NME5: variants seen among roughly 807,000 people sequenced by gnomAD.
NME5 encodes the protein NME/NM23 family member 5, also known as nucleoside diphosphate kinase 5.
A neutral mutation model predicts 21.6 loss-of-function variants in NME5; 18 were observed. The observed-to-expected ratio is 0.83, with a 90% CI of 0.58 to 1.24. The LOEUF is 1.24. Among genes scored for constraint, NME5 ranks in the 50% most tolerant of loss-of-function variants. The probability of loss-of-function intolerance (pLI) is 0.00; values close to 1 mark genes in which losing one functional copy is unlikely to be tolerated. For missense variants in NME5, 223 were observed against 255.4 expected, an observed-to-expected ratio of 0.87 and a Z score of 0.86; for synonymous variants, 70 against 80.6, an observed-to-expected ratio of 0.87 and a Z score of 0.71.
chr5:138,124,184 G>A (rs980477286), intron 4 of NME5, among the ~76,000 whole-genome samples: 39 of 150,668 alleles, frequency 2.6e-4, no homozygotes, highest in African/African-American at 9.5e-4. Flanking sequence ...TTTTTTTTTA[G>A]TAGAGACAGG....
rs146333645 is a variant in NME5, at chr5:138,123,160, A to C, written c.437-4224T>G. On this transcript the variant is annotated intron_variant, in intron 4 of 5. Coordinates refer to ENST00000265191, the MANE Select transcript of NME5 (RefSeq NM_003551.3). ...AATATTGTATACATTTATTGTGTAC[A>C]TGTTGTTTTGAAATATGTAAACACT... The C allele has an allele frequency of 3.3e-5, 5 of 152,336 alleles. No individual in the cohort carries two copies. In the East Asian group the frequency reaches 7.7e-4, roughly 23 times the overall value. The allele number at this position is 152,336 out of a possible 1,614,324, so 9.4% of individuals were successfully genotyped here.
chr5:138,121,427 G>A (rs1017814054), intron 4 of NME5, among the ~76,000 whole-genome samples: 1 of 151,850 alleles, frequency 6.6e-6, no homozygotes, highest in Non-Finnish European at 1.5e-5. Context: ...CAAAAAAAAA[G>A]GAAACCAAAA....
intron 4 of NME5, among the ~76,000 whole-genome samples, chr5:138,127,972 G>C (rs2151164249): frequency 6.6e-6 from 1 of 152,288 alleles, no homozygotes; most frequent in South Asian, 2.1e-4. Context: ...CCAGCACTTT[G>C]AGAGGCCAAG....
At chr5:138,138,400 A>G (rs1751765102) in intron 2 of NME5, 2 of 354,126 alleles carry the variant, frequency 5.6e-6, no homozygotes, top group Non-Finnish European at 1.0e-5. Context: ...GGAAGAACAG[A>G]AAGTGTTAAG....
At position 138,138,816 on chromosome 5, in the gene NME5, A is replaced by G. The variant is rs373024106; in HGVS notation, c.-5-31T>C. 2.8e-5 allele frequency: 44 copies of G among 1,578,862 alleles called. No individual in the cohort carries two copies. In the East Asian group the frequency reaches 5.9e-4, roughly 21 times the overall value. ...CAGGGCACAAATTAAGAGTTTCTTA[A>G]CAGGTATCAACTGCAATGACATGCA... On this transcript the variant is annotated intron_variant, in intron 1 of 5. Coordinates refer to ENST00000265191, the MANE Select transcript of NME5 (RefSeq NM_003551.3).
chr5:138,118,796 T>A, intron 5 of NME5, 22 bp downstream of exon 5: 1 of 1,471,456 alleles, frequency 6.8e-7, no homozygotes, highest in Admixed American at 1.7e-5. Flanking sequence ...TATTCTTAAG[T>A]GTGAATAAAA....
chr5:138,123,249 T>C lies in NME5; in HGVS notation c.437-4313A>G, dbSNP rs1003960355. ...CTCAAATACTTATCTTTTTTTGTGG[T>C]GAGAACACTTAAAATCTACTGTCTT... On this transcript the variant is annotated intron_variant, in intron 4 of 5. Transcript: ENST00000265191. The C allele has an allele frequency of 4.6e-5, 7 of 152,190 alleles. No individual in the cohort carries two copies. In the East Asian group the frequency reaches 1.3e-3, roughly 29 times the overall value. The allele number at this position is 152,190 out of a possible 1,614,324, so 9.4% of individuals were successfully genotyped here. A position where few individuals can be genotyped will look rare whatever the true frequency, so the allele number is the denominator to read the frequency against.
chr5:138,132,413 A>G (rs1268693560), intron 2 of NME5, among the ~76,000 whole-genome samples: 1 of 152,142 alleles, frequency 6.6e-6, no homozygotes, highest in Non-Finnish European at 1.5e-5. Context: ...GGGTGAGGAG[A>G]GAAAATGCTC....
intron 4 of NME5, among the ~76,000 whole-genome samples, chr5:138,124,109 G>T (rs1751347124): frequency 7.1e-6 from 1 of 140,530 alleles, no homozygotes. Context: ...TGGTTATCCT[G>T]CCTCAGCCTC....
chr5:138,116,932 G>T (rs1333637167), intron 5 of NME5, among the ~76,000 whole-genome samples: 1 of 152,000 alleles, frequency 6.6e-6, no homozygotes, highest in Non-Finnish European at 1.5e-5. Flanking sequence ...TCTTAAAAGA[G>T]GCCAGTGACT....
At chr5:138,132,177 C>A (rs534142466) in intron 2 of NME5, among the ~76,000 whole-genome samples, 1 of 152,080 alleles carries the variant, frequency 6.6e-6, no homozygotes, top group Non-Finnish European at 1.5e-5. Flanking sequence ...CTGGGCCACA[C>A]GCAGAAACCC....
chr5:138,115,876 G>T, intron 5 of NME5, 112 bp from the exon 6 acceptor site: 1 of 629,878 alleles, frequency 1.6e-6, no homozygotes, highest in East Asian at 2.9e-5. Flanking sequence ...TTAAGAAAAT[G>T]ACCATTAAAA....
chr5:138,123,985 C>CTTTTTTTTTTT (rs70979583), intron 4 of NME5, among the ~76,000 whole-genome samples: 1 of 37,212 alleles, frequency 2.7e-5, no homozygotes, highest in Non-Finnish European at 4.3e-5. Flanking sequence ...ATTTTGAGCA[C>CTTTTTTTTTTT]TTTTTTTTTT....
chr5:138,135,772 T>C (rs577286302), intron 2 of NME5, among the ~76,000 whole-genome samples: 1 of 152,336 alleles, frequency 6.6e-6, no homozygotes, highest in South Asian at 2.1e-4. Flanking sequence ...CTGAAAAATC[T>C]TATTCCTATC....
At chr5:138,136,408 A>G (rs1183910131) in intron 2 of NME5, among the ~76,000 whole-genome samples, 1 of 152,160 alleles carries the variant, frequency 6.6e-6, no homozygotes, top group Admixed American at 6.6e-5. Flanking sequence ...CTAAAGATTG[A>G]GCATCTTTTC....
intron 2 of NME5, among the ~76,000 whole-genome samples, chr5:138,136,008 T>C (rs1438130611): frequency 2.0e-5 from 3 of 152,244 alleles, no homozygotes; most frequent in Non-Finnish European, 4.4e-5. Context: ...TCCTCATTCT[T>C]CTATTTACAA....
chr5:138,118,964 T>C, intron 4 of NME5, 28 bp from the exon 5 acceptor site: 2 of 1,252,124 alleles, frequency 1.6e-6, no homozygotes, highest in Non-Finnish European at 2.3e-6. Flanking sequence ...TTCTCATTGA[T>C]GCAAACATAA....
intron 2 of NME5, among the ~76,000 whole-genome samples, chr5:138,133,170 G>A (rs1385118839): frequency 6.6e-6 from 1 of 150,704 alleles, no homozygotes; most frequent in Non-Finnish European, 1.5e-5. Context: ...GCGCGATCTC[G>A]GCTCACTGCG....
intron 5 of NME5, among the ~76,000 whole-genome samples, chr5:138,117,914 G>A (rs572697119): frequency 6.6e-6 from 1 of 151,880 alleles, no homozygotes; most frequent in African/African-American, 2.4e-5. Flanking sequence ...AACCTGGGGG[G>A]CGGAGGTTGC....
Sources: allele counts gnomAD v4.1 joint callset (sites outside exome capture counted in the v4.1 genomes callset), GRCh38; gene constraint gnomAD v4.1.1; transcripts MANE v1.5; gene names NCBI Gene and HGNC (gene_info 2026-07-23, HGNC 2026-07-21).